The following SLC4A10 variants were observed in gnomAD, a reference collection of about 807,000 sequenced individuals.
SLC4A10 encodes solute carrier family 4 member 10, also known as sodium-driven chloride bicarbonate exchanger.
Under a neutral mutation model 137.7 loss-of-function variants are expected in SLC4A10, and 42 were observed. The ratio of observed to expected loss-of-function variants is 0.30; its 90% CI spans 0.24 to 0.39. The LOEUF (loss-of-function observed/expected upper bound fraction) is 0.39. Ranked by LOEUF, SLC4A10 falls within the 10% of genes least tolerant of loss-of-function variation. The pLI is 1.00. For missense variants in SLC4A10, 925 were observed against 1,355.0 expected, an observed-to-expected ratio of 0.68 and a Z score of 4.98; for synonymous variants, 474 against 464.1, an observed-to-expected ratio of 1.02 and a Z score of -0.27.
At chr2:161,844,679 GA>G (rs1192764021) in intron 4 of SLC4A10, among the ~76,000 whole-genome samples, 1 of 152,070 alleles carries the variant, frequency 6.6e-6, no homozygotes, top group East Asian at 1.9e-4. Flanking sequence ...AAGTTCTCTA[GA>G]AAAAACCTTC....
intron 10 of SLC4A10, among the ~76,000 whole-genome samples, chr2:161,891,041 C>T (rs2062853871): frequency 6.6e-6 from 1 of 152,130 alleles, no homozygotes; most frequent in Non-Finnish European, 1.5e-5. Flanking sequence ...TTTTATTTCT[C>T]CTTTGCTTAT....
At chr2:161,645,008 T>A (rs2035839575) in intron 1 of SLC4A10, among the ~76,000 whole-genome samples, 1 of 152,036 alleles carries the variant, frequency 6.6e-6, no homozygotes, top group African/African-American at 2.4e-5. Context: ...CATGAGAGAG[T>A]TACAGGCCAT....
chr2:161,703,238 G>A (rs536675699), intron 1 of SLC4A10, among the ~76,000 whole-genome samples: 5 of 151,554 alleles, frequency 3.3e-5, no homozygotes, highest in Non-Finnish European at 7.4e-5. Flanking sequence ...TTATTACACT[G>A]TTATTTATAA....
At chr2:161,761,554 C>A (rs2050254568) in intron 1 of SLC4A10, among the ~76,000 whole-genome samples, 1 of 151,920 alleles carries the variant, frequency 6.6e-6, no homozygotes, top group South Asian at 2.1e-4. Context: ...AGTCAGGAAT[C>A]AAATATAGAA....
At chr2:161,650,316 T>C (rs905922570) in intron 1 of SLC4A10, among the ~76,000 whole-genome samples, 1 of 152,270 alleles carries the variant, frequency 6.6e-6, no homozygotes, top group Non-Finnish European at 1.5e-5. Flanking sequence ...AGGCGTCTTT[T>C]TTCATTACGT....
chr2:161,688,422 A>G (rs2041659485), intron 1 of SLC4A10, among the ~76,000 whole-genome samples: 1 of 152,184 alleles, frequency 6.6e-6, no homozygotes, highest in South Asian at 2.1e-4. Context: ...ATTGACCCAA[A>G]TGGAGTCTAA....
chr2:161,696,362 A>T (rs1253199164), intron 1 of SLC4A10, among the ~76,000 whole-genome samples: 2 of 146,776 alleles, frequency 1.4e-5, no homozygotes, highest in East Asian at 2.1e-4. Flanking sequence ...TGTGCAGGTT[A>T]GTTACATATG....
At chr2:161,975,269 C>T (rs1270740016) in intron 24 of SLC4A10, among the ~76,000 whole-genome samples, 2 of 151,852 alleles carry the variant, frequency 1.3e-5, no homozygotes, top group Non-Finnish European at 2.9e-5. Context: ...AGCATATTTC[C>T]AAGTGTATTA....
intron 11 of SLC4A10, among the ~76,000 whole-genome samples, chr2:161,896,936 C>T (rs1001527270): frequency 8.6e-5 from 13 of 151,968 alleles, no homozygotes; most frequent in African/African-American, 2.7e-4. Context: ...TAAGAGAAAG[C>T]GCATTACTGT....
At chr2:161,818,944 TTGTTG>T (rs1180706242) in intron 3 of SLC4A10, among the ~76,000 whole-genome samples, 2 of 152,196 alleles carry the variant, frequency 1.3e-5, no homozygotes, top group African/African-American at 4.8e-5. Context: ...TTCTCTTTTT[TTGTTG>T]TGTCTCTGCC....
chr2:161,711,325 G>A (rs2044268366), intron 1 of SLC4A10, among the ~76,000 whole-genome samples: 1 of 151,816 alleles, frequency 6.6e-6, no homozygotes, highest in Non-Finnish European at 1.5e-5. Flanking sequence ...AAGTATTATG[G>A]AAGGGGTTTT....
intron 16 of SLC4A10, among the ~76,000 whole-genome samples, chr2:161,943,664 C>A (rs1182773723): frequency 6.6e-6 from 1 of 151,608 alleles, no homozygotes; most frequent in Non-Finnish European, 1.5e-5. Flanking sequence ...TCTGAGTAGC[C>A]CTACTTTCTT....
intron 15 of SLC4A10, among the ~76,000 whole-genome samples, chr2:161,916,211 A>G (rs1434879503): frequency 6.6e-6 from 1 of 152,196 alleles, no homozygotes; most frequent in African/African-American, 2.4e-5. Context: ...ATTTTAGTCC[A>G]TTTATGTTTG....
chr2:161,698,291 C>G (rs1181060491), intron 1 of SLC4A10, among the ~76,000 whole-genome samples: 2 of 152,146 alleles, frequency 1.3e-5, no homozygotes, highest in East Asian at 3.9e-4. Flanking sequence ...AATTGAATAC[C>G]CTTTATTTCT....
rs569162129 is a variant in SLC4A10, at chr2:161,857,707, A to G, written c.577+2577A>G. On this transcript the variant is annotated intron_variant, in intron 5 of 26. Transcript: ENST00000446997. ...ATTACTAAGTTTGTAATAAATAAGC[A>G]TGCTTTCCGTTTTTAAGACTTCTAA... 2.6e-5 allele frequency among the ~76,000 whole-genome samples: 4 copies of G among 152,246 alleles called. No individual in the cohort carries two copies. In the South Asian group the frequency reaches 8.3e-4, roughly 32 times the overall value.
At chr2:161,801,247 C>G (rs1559279556) in intron 2 of SLC4A10, among the ~76,000 whole-genome samples, 2 of 151,904 alleles carry the variant, frequency 1.3e-5, no homozygotes, top group African/African-American at 4.8e-5. Flanking sequence ...AACTTTTCTA[C>G]TTGTTTCTTC....
chr2:161,796,002 C>T (rs965158652), intron 2 of SLC4A10, among the ~76,000 whole-genome samples: 1 of 152,086 alleles, frequency 6.6e-6, no homozygotes, highest in Admixed American at 6.6e-5. Context: ...CAACATTGAT[C>T]ACAATGTAGT....
Position 161,804,440 on chromosome 2 carries a change from C to T in SLC4A10, c.131-9C>T. The T allele has an allele frequency of 6.2e-7, 1 of 1,607,850 alleles. No homozygotes were observed. The highest frequency in any genetic ancestry group is 1.3e-5 in the African/African-American group (1 of 74,830). On this transcript the variant is annotated splice_polypyrimidine_tract_variant and intron_variant, in intron 2 of 26. Transcript: ENST00000446997. ...AGAGTTTAATTTGTGGGTTTGCTTC[C>T]TTATGAAGGTCATCGAACACTATTT...
chr2:161,932,968 A>G (rs1458051760), intron 15 of SLC4A10, among the ~76,000 whole-genome samples: 1 of 151,806 alleles, frequency 6.6e-6, no homozygotes, highest in Non-Finnish European at 1.5e-5. Flanking sequence ...GTGAGATCAC[A>G]AGGTATTGGT....
Sources: allele counts gnomAD v4.1 joint callset (sites outside exome capture counted in the v4.1 genomes callset), GRCh38; gene constraint gnomAD v4.1.1; transcripts MANE v1.5; gene names NCBI Gene and HGNC (gene_info 2026-07-23, HGNC 2026-07-21).